The following CTLA4 variants were observed in gnomAD, a reference collection of about 807,000 sequenced individuals.
The protein encoded by CTLA4 is cytotoxic T-lymphocyte associated protein 4, also known as cytotoxic T-lymphocyte protein 4.
In CTLA4, 3 loss-of-function variants were observed where a neutral mutation model predicts 20.4. The observed-to-expected ratio is 0.15, with a 90% CI of 0.07 to 0.38. The LOEUF (loss-of-function observed/expected upper bound fraction) is 0.38. Among genes scored for constraint, CTLA4 ranks in the 10% least tolerant of loss-of-function variants. The probability of loss-of-function intolerance (pLI) is 1.00; values close to 1 mark genes in which losing one functional copy is unlikely to be tolerated. For synonymous variants in CTLA4, 100 were observed against 105.2 expected, an observed-to-expected ratio of 0.95 and a Z score of 0.30; for missense variants, 184 against 276.8, an observed-to-expected ratio of 0.66 and a Z score of 2.38.
rs950293968 is a variant in CTLA4, at chr2:203,870,184, T to C, written c.110-402T>C. ...TCCGGAGCTATATAGCTCCTATCAT[T>C]CTATCATAACCTTAGAATACCAGAG... is the stretch of plus-strand genomic sequence containing the variant. On this transcript the variant is annotated intron_variant, in intron 1 of 3. Transcript: ENST00000648405. The surrounding 1 kb of genome is among the most constrained non-coding windows in gnomAD (Gnocchi z 5.3). 6.5e-5 allele frequency: 14 copies of C among 214,580 alleles called. No individual in the cohort carries two copies. The highest frequency in any genetic ancestry group is 3.0e-4 in the African/African-American group (13 of 43,578). The allele number at this position is 214,580 out of a possible 1,614,324, so 13.3% of individuals were successfully genotyped here.
chr2:203,872,365 G>T (rs1373986039), intron 3 of CTLA4, among the ~76,000 whole-genome samples: 1 of 152,166 alleles, frequency 6.6e-6, no homozygotes, highest in Admixed American at 6.5e-5. Flanking sequence ...TCTCAAACAG[G>T]ATAACTAAAG....
In CTLA4 at chr2:203,867,906, T is replaced by G. The variant is rs1688655944; in HGVS notation, c.-37T>G. On this transcript the variant is annotated 5_prime_UTR_variant, in exon 1 of 4. Coordinates refer to ENST00000648405, the MANE Select transcript of CTLA4 (RefSeq NM_005214.5). Reference sequence around the variant, plus strand: ...TTCAGGATCCTGAAAGGTTTTGCTCTACTTCCTGAAGACCTGAACACCGCT... The same window carrying G: ...TTCAGGATCCTGAAAGGTTTTGCTCGACTTCCTGAAGACCTGAACACCGCT... 2.0e-6 allele frequency: 3 copies of G among 1,508,080 alleles called. No individual in the cohort carries two copies. The highest frequency in any genetic ancestry group is 2.8e-6 in the Non-Finnish European group (3 of 1,085,112). The allele number at this position is 1,508,080 out of a possible 1,614,324, so 93.4% of individuals were successfully genotyped here. A position where few individuals can be genotyped will look rare whatever the true frequency, so the allele number is the denominator to read the frequency against.
chr2:203,870,456 G>A lies in CTLA4; in HGVS notation c.110-130G>A, dbSNP rs1688708407. The A allele has an allele frequency of 1.2e-6, 1 of 858,880 alleles. No homozygotes were observed. The highest frequency in any genetic ancestry group is 1.8e-6 in the Non-Finnish European group (1 of 561,600). 53.2% of individuals were successfully genotyped at this position (858,880 alleles called of 1,614,324 possible). The stretch of plus-strand genomic sequence containing the variant: ...GCTGGGGGTGTGGAGAGGGGAAGGG[G>A]TAAGTGATAGATTCGTTGAAGGGGG... On this transcript the variant is annotated intron_variant, in intron 1 of 3. Transcript: ENST00000648405. The surrounding 1 kb of genome is among the most constrained non-coding windows in gnomAD (Gnocchi z 5.3).
chr2:203,870,581 G>A lies in CTLA4; in HGVS notation c.110-5G>A. On this transcript the variant is annotated splice_region_variant and splice_polypyrimidine_tract_variant and intron_variant, in intron 1 of 3. Transcript: ENST00000648405. This position sits in a 1 kb window ranked among gnomAD's most constrained non-coding sequence, Gnocchi z 5.3. ...ACTGAGTTCCCTTTGGCTTTTCCAT[G>A]CTAGCAATGCACGTGGCCCAGCCTG... The A allele has an allele frequency of 2.5e-6, 4 of 1,611,888 alleles. No individual in the cohort carries two copies. The highest frequency in any genetic ancestry group is 3.4e-6 in the Non-Finnish European group (4 of 1,178,224).
intron 2 of CTLA4, 125 bp downstream of exon 2, chr2:203,871,058 C>G (rs986722097): frequency 1.8e-5 from 14 of 773,474 alleles, no homozygotes; most frequent in Non-Finnish European, 2.5e-5. Context: ...TTTAAGAGTT[C>G]TGTACCACAT....
rs773279316 is a variant in CTLA4, at chr2:203,870,583, T to C, written c.110-3T>C. Reference sequence around the variant, plus strand: ...TGAGTTCCCTTTGGCTTTTCCATGCTAGCAATGCACGTGGCCCAGCCTGCT... The same window carrying C: ...TGAGTTCCCTTTGGCTTTTCCATGCCAGCAATGCACGTGGCCCAGCCTGCT... On this transcript the variant is annotated splice_region_variant and splice_polypyrimidine_tract_variant and intron_variant, in intron 1 of 3. Coordinates refer to ENST00000648405, the MANE Select transcript of CTLA4 (RefSeq NM_005214.5). The surrounding 1 kb of genome is among the most constrained non-coding windows in gnomAD (Gnocchi z 5.3). 1.1e-5 allele frequency: 18 copies of C among 1,611,980 alleles called. No homozygotes were observed. Among genetic ancestry groups the C allele is most frequent in the Middle Eastern group, 1.7e-4 (1 of 6,044 alleles).
chr2:203,868,202 C>A, intron 1 of CTLA4, 151 bp downstream of exon 1: 1 of 641,798 alleles, frequency 1.6e-6, no homozygotes, highest in Non-Finnish European at 2.7e-6. Flanking sequence ...TATTCCAGGG[C>A]CAGCAGGGAG....
In CTLA4 at chr2:203,871,358, T is replaced by C. The variant is rs2105775956; in HGVS notation, c.458-20T>C. 3 of 1,601,576 alleles carry C rather than the reference T, an allele frequency of 1.9e-6. No individual in the cohort carries two copies. Among genetic ancestry groups the C allele is most frequent in the Non-Finnish European group, 1.7e-6 (2 of 1,168,624 alleles). On this transcript the variant is annotated intron_variant, in intron 2 of 3. Coordinates refer to ENST00000648405, the MANE Select transcript of CTLA4 (RefSeq NM_005214.5). ...GTTTAAAACTGTCTCAGGGAGGCTC[T>C]GCTTTGTTTTCTGTTGCAGATCCAG...
chr2:203,871,232 C>T (rs1388924353), intron 2 of CTLA4, 146 bp from the exon 3 acceptor site: 2 of 692,756 alleles, frequency 2.9e-6, no homozygotes, highest in Non-Finnish European at 4.9e-6. Context: ...CCCAAATAGC[C>T]AAACCTATTG....
At position 203,870,179 on chromosome 2, in the gene CTLA4, A is replaced by G. The variant is rs1268159174; in HGVS notation, c.110-407A>G. ...ATAGTTCCGGAGCTATATAGCTCCT[A>G]TCATTCTATCATAACCTTAGAATAC... is the stretch of plus-strand genomic sequence containing the variant. On this transcript the variant is annotated intron_variant, in intron 1 of 3. Coordinates refer to ENST00000648405, the MANE Select transcript of CTLA4 (RefSeq NM_005214.5). The surrounding 1 kb of genome is among the most constrained non-coding windows in gnomAD (Gnocchi z 5.3). 6 of 212,214 alleles carry G rather than the reference A, an allele frequency of 2.8e-5. No homozygotes were observed. Among genetic ancestry groups the G allele is most frequent in the Non-Finnish European group, 5.7e-5 (6 of 104,706 alleles). The allele number at this position is 212,214 out of a possible 1,614,324, so 13.1% of individuals were successfully genotyped here.
At chr2:203,868,852 T>C (rs2105773602) in intron 1 of CTLA4, among the ~76,000 whole-genome samples, 1 of 152,318 alleles carries the variant, frequency 6.6e-6, no homozygotes, top group Non-Finnish European at 1.5e-5. Context: ...TATCTCTCTC[T>C]AGACCTTCTT....
At chr2:203,872,299 A>G (rs1688747697) in intron 3 of CTLA4, among the ~76,000 whole-genome samples, 1 of 152,118 alleles carries the variant, frequency 6.6e-6, no homozygotes, top group Non-Finnish European at 1.5e-5. Flanking sequence ...TCCTCTACCC[A>G]ACCTGACAGA....
chr2:203,872,823 T>C lies in CTLA4; in HGVS notation c.*11T>C, dbSNP rs746318969. 1.6e-5 allele frequency: 24 copies of C among 1,518,476 alleles called. No homozygotes were observed. In the South Asian group the frequency reaches 2.5e-4, roughly 16 times the overall value. 94.1% of individuals were successfully genotyped at this position (1,518,476 alleles called of 1,614,324 possible). On this transcript the variant is annotated 3_prime_UTR_variant, in exon 4 of 4. Coordinates refer to ENST00000648405, the MANE Select transcript of CTLA4 (RefSeq NM_005214.5). ...ATTCCCATCAATTGAGAAACCATTA[T>C]GAAGAAGAGAGTCCATATTTCAATT...
At position 203,871,365 on chromosome 2, in the gene CTLA4, T is replaced by C. The variant is rs1177780685; in HGVS notation, c.458-13T>C. 1.2e-6 allele frequency: 2 copies of C among 1,609,586 alleles called. No individual in the cohort carries two copies. Among genetic ancestry groups the C allele is most frequent in the Non-Finnish European group, 1.7e-6 (2 of 1,175,974 alleles). ...ACTGTCTCAGGGAGGCTCTGCTTTG[T>C]TTTCTGTTGCAGATCCAGAACCGTG... On this transcript the variant is annotated splice_polypyrimidine_tract_variant and intron_variant, in intron 2 of 3. Coordinates refer to ENST00000648405, the MANE Select transcript of CTLA4 (RefSeq NM_005214.5).
intron 3 of CTLA4, among the ~76,000 whole-genome samples, chr2:203,872,226 C>T (rs1688745964): frequency 6.6e-6 from 1 of 152,128 alleles, no homozygotes; most frequent in Non-Finnish European, 1.5e-5. Flanking sequence ...CGCTCTTTCT[C>T]TCTCTCTCTT....
Position 203,872,927 on chromosome 2 carries a change from C to A in CTLA4, c.*115C>A. ...TTGTGCATTTGGGGGGAATTCATCTCTCTTTAATATAAAGTTGGATGCGGA... is the reference window on the plus strand; with the variant it reads ...TTGTGCATTTGGGGGGAATTCATCTATCTTTAATATAAAGTTGGATGCGGA... On this transcript the variant is annotated 3_prime_UTR_variant, in exon 4 of 4. Transcript: ENST00000648405. 1.4e-6 allele frequency: 1 copy of A among 701,430 alleles called. No individual in the cohort carries two copies. Among genetic ancestry groups the A allele is most frequent in the Non-Finnish European group, 2.5e-6 (1 of 405,162 alleles). 43.5% of individuals were successfully genotyped at this position (701,430 alleles called of 1,614,324 possible).
rs973687166 is a variant in CTLA4 at position 203,873,456 on chromosome 2, T to C, written c.*644T>C. ...TTGTTAATGGTTTGAATATAAACACTATATGGCAGTGTCTTTCCACCTTGG... is the reference window on the plus strand; with the variant it reads ...TTGTTAATGGTTTGAATATAAACACCATATGGCAGTGTCTTTCCACCTTGG... On this transcript the variant is annotated 3_prime_UTR_variant, in exon 4 of 4. Transcript: ENST00000648405. The C allele has an allele frequency of 4.5e-6, 1 of 224,298 alleles. No homozygotes were observed. The highest frequency in any genetic ancestry group is 2.3e-5 in the African/African-American group (1 of 43,720). 13.9% of individuals were successfully genotyped at this position (224,298 alleles called of 1,614,324 possible). A position where few individuals can be genotyped will look rare whatever the true frequency, so the allele number is the denominator to read the frequency against.
intron 3 of CTLA4, 143 bp downstream of exon 3, chr2:203,871,630 C>T (rs1688735976): frequency 7.3e-6 from 5 of 684,372 alleles, no homozygotes; most frequent in South Asian, 5.3e-5. Flanking sequence ...AAAGAACGCA[C>T]TAGAACCGTA....
rs1688656987 is a variant in CTLA4 at position 203,867,954 on chromosome 2, T to G, written c.12T>G (p.Leu4=). 1 of 1,613,974 alleles carries G rather than the reference T, an allele frequency of 6.2e-7. No individual in the cohort carries two copies. The highest frequency in any genetic ancestry group is 8.5e-7 in the Non-Finnish European group (1 of 1,179,934). ...GCTCCCATAAAGCCATGGCTTGCCT[T>G]GGATTTCAGCGGCACAAGGCTCAGC... is the stretch of plus-strand genomic sequence containing the variant. MAC[L]GFQRHKAQLN... The change falls in exon 1 of 4, where the codon CTT becomes CTG. Residue 4 remains leucine, a synonymous_variant. Transcript: ENST00000648405.
Sources: gnomAD v4.1 joint callset for allele counts (sites outside exome capture counted in the v4.1 genomes callset) on GRCh38, gnomAD v4.1.1 for gene constraint, Gnocchi (gnomAD v3.1) non-coding constraint, MANE v1.5 for transcripts, NCBI Gene and HGNC (gene_info 2026-07-23, HGNC 2026-07-21) for gene names.